Variants in PHF3 observed in about 807,000 individuals in gnomAD.
PHF3 encodes the protein PHD finger protein 3.
A neutral mutation model predicts 178.4 loss-of-function variants in PHF3; 41 were observed. The observed-to-expected ratio is 0.23, with a 90% CI of 0.18 to 0.30. The LOEUF is 0.30. Ranked by LOEUF, PHF3 falls within the 10% of genes least tolerant of loss-of-function variation. The pLI, the probability that PHF3 is intolerant of heterozygous loss-of-function variation, is 1.00. For missense variants in PHF3, 2,346 were observed against 2,398.1 expected (o/e 0.98, Z 0.45); for synonymous variants, 842 against 800.5 (o/e 1.05, Z -0.88).
intron 13 of PHF3, among the ~76,000 whole-genome samples, 160 bp from the exon 14 acceptor site, chr6:63,708,991 C>G (rs1767809261): frequency 1.3e-5 from 2 of 152,064 alleles, no homozygotes; most frequent in East Asian, 1.9e-4. Context: ...CCTAATTGCT[C>G]TCTGTATTCT....
intron 2 of PHF3, chr6:63,678,718 C>T (rs761494724): frequency 5.7e-6 from 2 of 352,956 alleles, no homozygotes; most frequent in African/African-American, 2.2e-5. Flanking sequence ...TTATTTTGAT[C>T]AAAGCATATG....
At chr6:63,641,780 C>T (rs939074837) in intron 1 of PHF3, among the ~76,000 whole-genome samples, 4 of 151,912 alleles carry the variant, frequency 2.6e-5, no homozygotes, top group Admixed American at 6.6e-5. Flanking sequence ...GCATGCACCA[C>T]CACACTCAGC....
chr6:63,683,868 G>A (rs1294530096), intron 3 of PHF3, among the ~76,000 whole-genome samples: 1 of 151,844 alleles, frequency 6.6e-6, no homozygotes, highest in Non-Finnish European at 1.5e-5. Context: ...CTTTTAATAA[G>A]GTATAATATT....
At position 63,684,207 on chromosome 6, in the gene PHF3, C is replaced by A; in HGVS notation, c.485C>A (p.Ser162Tyr). The change falls in exon 4 of 16, where the codon TCT (serine) becomes TAT (tyrosine). Residue 162 changes from serine (S) to tyrosine (Y), a missense_variant. Transcript: ENST00000262043. Reference sequence around the variant, plus strand: ...CCATTAAGTAACACAAAAAAAGCATCTGGGAAGACTGTATCTACTGCTAAA... The same window carrying A: ...CCATTAAGTAACACAAAAAAAGCATATGGGAAGACTGTATCTACTGCTAAA... Reference protein sequence around the residue: ...AAPLSNTKKASGKTVSTAKAG... With the variant: ...AAPLSNTKKAYGKTVSTAKAG... 6.2e-7 allele frequency: 1 copy of A among 1,613,914 alleles called. No homozygotes were observed. The highest frequency in any genetic ancestry group is 8.5e-7 in the Non-Finnish European group (1 of 1,179,874).
intron 1 of PHF3, chr6:63,636,912 C>G (rs979086678): frequency 6.6e-6 from 1 of 152,184 alleles, no homozygotes; most frequent in Admixed American, 6.5e-5. Flanking sequence ...GTTGATATCG[C>G]GCACGGAGTC....
chr6:63,650,814 T>C (rs942978242), intron 2 of PHF3, among the ~76,000 whole-genome samples: 1 of 152,202 alleles, frequency 6.6e-6, no homozygotes, highest in African/African-American at 2.4e-5. Context: ...GTGTTTCTCT[T>C]GGACAGCATT....
At chr6:63,681,133 G>GGT (rs1766417352) in intron 3 of PHF3, among the ~76,000 whole-genome samples, 1 of 152,006 alleles carries the variant, frequency 6.6e-6, no homozygotes, top group Non-Finnish European at 1.5e-5. Flanking sequence ...AAATTCTGAA[G>GGT]GTGTTGCTCC....
Position 63,679,988 on chromosome 6 carries a change from GT to G in PHF3, c.245-5del. On this transcript the variant is annotated splice_polypyrimidine_tract_variant and intron_variant, in intron 2 of 15. Transcript: ENST00000262043. ...ATTTTTAAAAGTTAATTTTTTTGTC[GT>G]TTTTTTCTAGTTGTTGGTCTTGACG... 2 of 1,603,542 alleles carry G rather than the reference GT, an allele frequency of 1.2e-6. No homozygotes were observed. The highest frequency in any genetic ancestry group is 8.5e-7 in the Non-Finnish European group (1 of 1,174,550).
chr6:63,671,786 G>A (rs1001498150), intron 2 of PHF3, among the ~76,000 whole-genome samples: 3 of 152,072 alleles, frequency 2.0e-5, no homozygotes, highest in South Asian at 2.1e-4. Context: ...GTCCTCTGTC[G>A]CCAGGCTGGA....
intron 13 of PHF3, among the ~76,000 whole-genome samples, chr6:63,707,393 G>A (rs1767740500): frequency 6.6e-6 from 1 of 152,156 alleles, no homozygotes; most frequent in Admixed American, 6.5e-5. Context: ...TGTAGTTGCT[G>A]CAAGTGATAC....
chr6:63,671,990 G>A (rs1306883336), intron 2 of PHF3, among the ~76,000 whole-genome samples: 7 of 151,972 alleles, frequency 4.6e-5, no homozygotes, highest in South Asian at 2.1e-4. Context: ...CATGATCTGC[G>A]TGCCACCACG....
At chr6:63,644,304 A>C (rs1341592894) in intron 1 of PHF3, among the ~76,000 whole-genome samples, 1 of 152,184 alleles carries the variant, frequency 6.6e-6, no homozygotes, top group Non-Finnish European at 1.5e-5. Context: ...CAGATAAATG[A>C]ATTCATTGGT....
chr6:63,658,288 T>C (rs62412945), intron 2 of PHF3, among the ~76,000 whole-genome samples: 7 of 152,210 alleles, frequency 4.6e-5, no homozygotes, highest in Non-Finnish European at 8.8e-5. Context: ...AGTAATCTTT[T>C]CTGTTCAGTT....
chr6:63,663,045 A>G (rs1330660099), intron 2 of PHF3, among the ~76,000 whole-genome samples: 1 of 152,206 alleles, frequency 6.6e-6, no homozygotes, highest in Non-Finnish European at 1.5e-5. Context: ...GATATAAAGA[A>G]TATCAAGGAT....
intron 13 of PHF3, among the ~76,000 whole-genome samples, chr6:63,707,447 A>T (rs964888787): frequency 7.9e-5 from 12 of 152,196 alleles, no homozygotes; most frequent in Admixed American, 3.3e-4. Flanking sequence ...AGAAACTATT[A>T]TGTGGTATTT....
intron 1 of PHF3, among the ~76,000 whole-genome samples, chr6:63,639,966 GTA>G (rs1764503935): frequency 6.6e-6 from 1 of 152,200 alleles, no homozygotes; most frequent in Non-Finnish European, 1.5e-5. Flanking sequence ...GTTGGCTACT[GTA>G]ATTCTGTGTT....
intron 2 of PHF3, among the ~76,000 whole-genome samples, chr6:63,666,678 G>A (rs960962690): frequency 3.3e-5 from 5 of 151,354 alleles, no homozygotes; most frequent in African/African-American, 1.2e-4. Context: ...AAATAGTTGT[G>A]GTGAAGTATT....
chr6:63,700,002 A>G (rs1767403048), intron 8 of PHF3, among the ~76,000 whole-genome samples: 1 of 152,192 alleles, frequency 6.6e-6, no homozygotes. Flanking sequence ...AGACCATTAC[A>G]TTGAGTAAAG....
At chr6:63,688,028 C>CA (rs1766792193) in intron 4 of PHF3, among the ~76,000 whole-genome samples, 1 of 151,470 alleles carries the variant, frequency 6.6e-6, no homozygotes, top group Non-Finnish European at 1.5e-5. Flanking sequence ...ACTAAAAATA[C>CA]AAAAAATTAG....
Sources: gnomAD v4.1 joint callset for allele counts (sites outside exome capture counted in the v4.1 genomes callset) on GRCh38, gnomAD v4.1.1 for gene constraint, MANE v1.5 for transcripts, NCBI Gene and HGNC (gene_info 2026-07-23, HGNC 2026-07-21) for gene names.